Variants in SCN1A observed in about 807,000 individuals in gnomAD.
The protein encoded by SCN1A is sodium channel protein type 1 subunit alpha.
Under a neutral mutation model 193.7 loss-of-function variants are expected in SCN1A, and 13 were observed. The ratio of observed to expected loss-of-function variants is 0.07; its 90% CI spans 0.04 to 0.11. The LOEUF is 0.11. Ranked by LOEUF, SCN1A falls within the 10% of genes least tolerant of loss-of-function variation. The pLI is 1.00. For missense variants in SCN1A, 1,432 were observed against 2,451.1 expected, an observed-to-expected ratio of 0.58 and a Z score of 8.78; for synonymous variants, 781 against 843.6, an observed-to-expected ratio of 0.93 and a Z score of 1.29.
intron 28 of SCN1A, chr2:165,993,208 TGTGA>T (rs200519937): frequency 0.14 from 20,313 of 141,256 alleles, 1,378 homozygotes; most frequent in East Asian, 0.24. Context: ...TGTGTGTGTG[TGTGA>T]GAGAGAGAGA....
chr2:166,051,682 T>C (rs1698566496), intron 9 of SCN1A, 37 bp downstream of exon 9: 1 of 1,503,786 alleles, frequency 6.6e-7, no homozygotes, highest in Non-Finnish European at 9.2e-7. Flanking sequence ...AATCCAATTC[T>C]ACTTTTTAAG....
At chr2:166,142,809 C>T (rs140772619) in intron 1 of SCN1A, among the ~76,000 whole-genome samples, 9 of 152,288 alleles carry the variant, frequency 5.9e-5, no homozygotes, top group East Asian at 1.9e-4. Flanking sequence ...ACTTGAATCA[C>T]GGGGGCAGTT....
intron 4 of SCN1A, among the ~76,000 whole-genome samples, chr2:166,062,729 T>C (rs1298452899): frequency 6.6e-6 from 1 of 152,126 alleles, no homozygotes; most frequent in Non-Finnish European, 1.5e-5. Context: ...TATAAACAAA[T>C]ATTGTGTAGC....
At chr2:166,067,673 A>G (rs1378745388) in intron 4 of SCN1A, among the ~76,000 whole-genome samples, 3 of 150,340 alleles carry the variant, frequency 2.0e-5, no homozygotes, top group African/African-American at 7.3e-5. Flanking sequence ...TTATACTGAT[A>G]TTATATATAG....
chr2:166,051,868 T>C lies in SCN1A; in HGVS notation c.815A>G (p.Asn272Ser). ...CCATTGTATACATTTATTCCTCAGG[T>C]TGCCCATGAACAGCTGCAGCCCAAT... The part of the protein sequence containing the change: ...ALIGLQLFMG[N>S]LRNKCIQWPP... The change falls in exon 9 of 29, where the codon AAC (asparagine) becomes AGC (serine). Residue 272 changes from asparagine to serine, a missense_variant. Transcript: ENST00000674923. 6.2e-7 allele frequency: 1 copy of C among 1,612,626 alleles called. No individual in the cohort carries two copies. Among genetic ancestry groups the C allele is most frequent in the Non-Finnish European group, 8.5e-7 (1 of 1,179,060 alleles).
At chr2:166,144,613 C>G (rs939698861) in intron 1 of SCN1A, among the ~76,000 whole-genome samples, 5 of 152,104 alleles carry the variant, frequency 3.3e-5, no homozygotes, top group African/African-American at 1.2e-4. Context: ...CACTGGTAAT[C>G]TCTCTGAAGG....
rs11690959 is a variant in SCN1A at position 166,047,515 on chromosome 2, G to A, written c.1170+112C>T. ...AATAGGATAGAGGAACTCAAGTCTCGTTTCAAGTTCTGCTCTTTCTACTAT... is the reference window on the plus strand; with the variant it reads ...AATAGGATAGAGGAACTCAAGTCTCATTTCAAGTTCTGCTCTTTCTACTAT... On this transcript the variant is annotated intron_variant, in intron 11 of 28. Transcript: ENST00000674923. 0.53 allele frequency: 651,453 copies of A among 1,236,690 alleles called. 173,461 individuals carry two copies. Among genetic ancestry groups the A allele is most frequent in the East Asian group, 0.55 (23,771 of 42,910 alleles). The allele number at this position is 1,236,690 out of a possible 1,614,324, so 76.6% of individuals were successfully genotyped here. A position where few individuals can be genotyped will look rare whatever the true frequency, so the allele number is the denominator to read the frequency against.
At chr2:165,985,664 G>A (rs184596596), downstream of SCN1A, 13 of 152,190 alleles carry the variant, frequency 8.5e-5, no homozygotes, top group African/African-American at 3.1e-4. Context: ...ATTTCTTGGT[G>A]ATGCAATTTT....
chr2:166,143,777 T>G (rs1440270444), intron 1 of SCN1A, among the ~76,000 whole-genome samples: 2 of 152,182 alleles, frequency 1.3e-5, no homozygotes, highest in Non-Finnish European at 2.9e-5. Flanking sequence ...TGGCTTTATG[T>G]GGAGGTTTCT....
intron 2 of SCN1A, among the ~76,000 whole-genome samples, chr2:166,086,995 G>T (rs1686203965): frequency 6.6e-6 from 1 of 152,012 alleles, no homozygotes; most frequent in African/African-American, 2.4e-5. Flanking sequence ...CTATACTTTG[G>T]ATATGGTTTG....
chr2:166,049,483 A>G (rs1411416195), intron 9 of SCN1A, among the ~76,000 whole-genome samples: 1 of 152,074 alleles, frequency 6.6e-6, no homozygotes, highest in Non-Finnish European at 1.5e-5. Flanking sequence ...TGCAGAATAT[A>G]GGCAACTTAT....
chr2:166,035,584 AACTT>A (rs1696223804), intron 19 of SCN1A, among the ~76,000 whole-genome samples: 1 of 152,216 alleles, frequency 6.6e-6, no homozygotes, highest in South Asian at 2.1e-4. Flanking sequence ...TGTACATCAA[AACTT>A]ACTTAATACA....
intron 1 of SCN1A, among the ~76,000 whole-genome samples, chr2:166,147,489 A>G (rs534635581): frequency 2.0e-5 from 3 of 152,344 alleles, no homozygotes; most frequent in Non-Finnish European, 4.4e-5. Flanking sequence ...ATGCAAATCA[A>G]TTATAGACAA....
At chr2:166,135,752 G>A (rs542046736) in intron 1 of SCN1A, among the ~76,000 whole-genome samples, 3 of 152,246 alleles carry the variant, frequency 2.0e-5, no homozygotes, top group Non-Finnish European at 2.9e-5. Flanking sequence ...AAGGTACATC[G>A]AAGGTCAGAA....
chr2:166,001,314 T>G (rs1400802525), intron 24 of SCN1A, among the ~76,000 whole-genome samples: 1 of 151,790 alleles, frequency 6.6e-6, no homozygotes, highest in Non-Finnish European at 1.5e-5. Flanking sequence ...AAAAAATCTC[T>G]ATTTTAATTG....
At chr2:166,135,645 C>T (rs1691827831) in intron 1 of SCN1A, among the ~76,000 whole-genome samples, 2 of 152,120 alleles carry the variant, frequency 1.3e-5, no homozygotes, top group Non-Finnish European at 2.9e-5. Flanking sequence ...TTGAGAAAAG[C>T]AAGAATTCTA....
At chr2:166,038,526 C>T (rs13408136) in intron 17 of SCN1A, among the ~76,000 whole-genome samples, 7 of 151,800 alleles carry the variant, frequency 4.6e-5, no homozygotes, top group African/African-American at 1.2e-4. Context: ...ATAGTAGAGA[C>T]GGAGTTTCAC....
rs794726778 is a variant in SCN1A, at chr2:166,043,878, G to A, written c.1834C>T (p.Arg612Ter). Residue 612 changes from arginine to a stop codon, truncating the protein, a stop_gained, in exon 14 of 29, where the codon CGA becomes TGA. Transcript: ENST00000674923. LOFTEE classifies it high-confidence loss of function. ...CTGTTGCGTCTCTCTCCGTGTCGTC[G>A]GGGCACAAACAAGGAATCTCTACGG... is the stretch of plus-strand genomic sequence containing the variant. ...ESRRDSLFVP[R>*]RHGERRNSNL... 6.2e-7 allele frequency: 1 copy of A among 1,614,086 alleles called. No individual in the cohort carries two copies. The highest frequency in any genetic ancestry group is 1.3e-5 in the African/African-American group (1 of 75,022).
chr2:166,068,798 T>C (rs543585767), intron 4 of SCN1A, among the ~76,000 whole-genome samples: 1 of 152,328 alleles, frequency 6.6e-6, no homozygotes, highest in African/African-American at 2.4e-5. Context: ...AAATGATCCA[T>C]AGGACTTTTT....
Sources: allele counts gnomAD v4.1 joint callset (sites outside exome capture counted in the v4.1 genomes callset), GRCh38; gene constraint gnomAD v4.1.1; transcripts MANE v1.5; gene names NCBI Gene and HGNC (gene_info 2026-07-23, HGNC 2026-07-21).